Variants in TNS1 observed in about 807,000 individuals in gnomAD.
The protein encoded by TNS1 is tensin-1.
TNS1 carries 62 observed loss-of-function variants against 168.6 expected under a neutral mutation model. The observed-to-expected ratio is 0.37, with a 90% CI of 0.30 to 0.45. The LOEUF (loss-of-function observed/expected upper bound fraction) is 0.45, where lower values mean the gene tolerates loss of function less well. Ranked by LOEUF, TNS1 falls within the 20% of genes least tolerant of loss-of-function variation. TNS1 has a pLI of 1.00. For synonymous variants in TNS1, 934 were observed against 933.2 expected (o/e 1.00, Z -0.02); for missense variants, 2,240 against 2,339.4 (o/e 0.96, Z 0.88).
At chr2:217,841,240 G>A (rs1342980659) in intron 19 of TNS1, 11 of 984,940 alleles carry the variant, frequency 1.1e-5, no homozygotes, top group African/African-American at 7.0e-5. Context: ...AGGAGGGGGC[G>A]GGAAGCTGCC....
chr2:217,805,136 A>G (rs1271471600), intron 32 of TNS1, among the ~76,000 whole-genome samples: 4 of 151,846 alleles, frequency 2.6e-5, no homozygotes, highest in Admixed American at 2.6e-4. Context: ...CTTGGAAGCC[A>G]GAAAATAAAA....
chr2:217,828,314 T>G (rs919214069), intron 22 of TNS1, among the ~76,000 whole-genome samples: 1 of 152,192 alleles, frequency 6.6e-6, no homozygotes, highest in Non-Finnish European at 1.5e-5. Flanking sequence ...TCTGGGAAAC[T>G]CCAATCATCC....
At chr2:217,961,354 C>A (rs3791886) in intron 3 of TNS1, among the ~76,000 whole-genome samples, 40,408 of 151,572 alleles carry the variant, frequency 0.27, 6,077 homozygotes, top group African/African-American at 0.42. Flanking sequence ...TTCCAAACTG[C>A]TCAGATCAGA....
At chr2:217,870,244 A>T in intron 18 of TNS1, among the ~76,000 whole-genome samples, 1 of 152,200 alleles carries the variant, frequency 6.6e-6, no homozygotes, top group East Asian at 1.9e-4. Flanking sequence ...CAGAGTGGAT[A>T]CAGCACTGGG....
At position 218,002,850 on chromosome 2, in the gene TNS1, C is replaced by G. The variant is rs1302923521; in HGVS notation, c.23G>C (p.Cys8Ser). 2.2e-6 allele frequency: 1 copy of G among 456,918 alleles called. No homozygotes were observed. Among genetic ancestry groups the G allele is most frequent in the Non-Finnish European group, 4.4e-6 (1 of 226,988 alleles). The allele number at this position is 456,918 out of a possible 1,614,324, so 28.3% of individuals were successfully genotyped here. Reference protein sequence around the residue: MTWICLSCMLWPEDLEAP... With the variant: MTWICLSSMLWPEDLEAP... ...AGCAGCCAGACCTACCCAGAGCATG[C>G]AGGACAGACAGATCCACGTCATCTT... Residue 8 changes from cysteine (C) to serine (S), a missense_variant, in exon 1 of 33, where the codon TGC becomes TCC. This residue lies in a region of TNS1 where 2,131 missense variants were observed against 2,171.2 expected (regional missense o/e 0.98). Transcript: ENST00000682258.
chr2:217,930,590 G>A (rs983148671), intron 3 of TNS1, among the ~76,000 whole-genome samples: 3 of 152,220 alleles, frequency 2.0e-5, no homozygotes, highest in Non-Finnish European at 2.9e-5. Flanking sequence ...TGAGGTGTAG[G>A]GCTGGAGCCC....
chr2:217,966,294 TGTGTGTGTGTGTGTGC>T (rs1431462559), intron 3 of TNS1, among the ~76,000 whole-genome samples: 21 of 145,306 alleles, frequency 1.4e-4, no homozygotes, highest in African/African-American at 5.8e-4. Flanking sequence ...TGTGTGTGTG[TGTGTGTGTGTGTGTGC>T]GCGCGCGCGC....
At chr2:217,938,679 T>C (rs1956758131) in intron 3 of TNS1, among the ~76,000 whole-genome samples, 1 of 152,048 alleles carries the variant, frequency 6.6e-6, no homozygotes, top group South Asian at 2.1e-4. Context: ...AGCCTGGGAG[T>C]CTCCGATTCT....
At chr2:217,946,973 A>T (rs1195666930) in intron 3 of TNS1, among the ~76,000 whole-genome samples, 27 of 149,360 alleles carry the variant, frequency 1.8e-4, no homozygotes, top group African/African-American at 5.7e-4. Flanking sequence ...TCTCTCTCAC[A>T]CACACACACA....
intron 6 of TNS1, chr2:217,901,699 G>A (rs969211696): frequency 6.6e-6 from 1 of 152,232 alleles, no homozygotes; most frequent in East Asian, 1.9e-4. Flanking sequence ...CTGAGGCACA[G>A]AATAACTTAC....
chr2:218,021,605 C>G (rs1208163465), intron 1 of TNS1, among the ~76,000 whole-genome samples: 1 of 152,160 alleles, frequency 6.6e-6, no homozygotes, highest in African/African-American at 2.4e-5. Context: ...AGGGTGGATC[C>G]CGGCACCCCA....
At chr2:217,822,828 C>T (rs1018569313) in intron 22 of TNS1, among the ~76,000 whole-genome samples, 1 of 152,202 alleles carries the variant, frequency 6.6e-6, no homozygotes, top group African/African-American at 2.4e-5. Flanking sequence ...CCTCTGAGGC[C>T]AGCTCCCAAA....
chr2:217,857,138 C>T (rs1003415225), intron 18 of TNS1, among the ~76,000 whole-genome samples: 4 of 152,214 alleles, frequency 2.6e-5, no homozygotes, highest in Admixed American at 1.3e-4. Flanking sequence ...GCCCCTCCCA[C>T]CCACGGCTGC....
chr2:217,982,821 A>C (rs1231599425), intron 2 of TNS1, among the ~76,000 whole-genome samples: 2 of 152,206 alleles, frequency 1.3e-5, no homozygotes, highest in Non-Finnish European at 2.9e-5. Context: ...CTGGGAACCA[A>C]GGCCAGAGGC....
rs566830185 is a variant in TNS1, at chr2:217,892,748, G to A, written c.782+200C>T. 2.9e-4 allele frequency among the ~76,000 whole-genome samples: 44 copies of A among 152,246 alleles called. No homozygotes were observed. In the South Asian group the frequency reaches 8.7e-3, roughly 30 times the overall value. ...CTGCCCCACCAGAACCCCTGATAGA[G>A]AAGTGGACTCTCCTCCCTCCCGCCC... On this transcript the variant is annotated intron_variant, in intron 11 of 32. Transcript: ENST00000682258.
intron 18 of TNS1, among the ~76,000 whole-genome samples, chr2:217,863,435 A>G (rs963570565): frequency 6.6e-5 from 10 of 152,168 alleles, no homozygotes; most frequent in African/African-American, 2.4e-4. Flanking sequence ...AATACACAGG[A>G]CAGACCCCCA....
At chr2:217,879,325 T>C (rs1240782504) in intron 18 of TNS1, 3 of 374,200 alleles carry the variant, frequency 8.0e-6, no homozygotes, top group African/African-American at 6.5e-5. Context: ...TTGTTAAAAA[T>C]GCAAACATCC....
rs201342737 is a variant in TNS1 at position 217,829,870 on chromosome 2, C to G, written c.3373+1585G>C. The G allele has an allele frequency of 5.0e-5, 81 of 1,614,134 alleles. No homozygotes were observed. The Admixed American group carries it at 1.3e-3, about 27-fold the overall frequency. ...TTCTGACAGCCTGACCACCACCTTC[C>G]CCTCATCTTCCTCTGAGGGAAGACG... On this transcript the variant is annotated intron_variant, in intron 22 of 32. Coordinates refer to ENST00000682258, the MANE Select transcript of TNS1 (RefSeq NM_001387777.1).
At chr2:217,829,807 A>G in intron 22 of TNS1, 1 of 1,613,028 alleles carries the variant, frequency 6.2e-7, no homozygotes, top group Non-Finnish European at 8.5e-7. Flanking sequence ...CCATTTCCAG[A>G]CCCAGAGAGC....
Sources: allele counts gnomAD v4.1 joint callset (sites outside exome capture counted in the v4.1 genomes callset), GRCh38; gene constraint gnomAD v4.1.1; regional missense constraint gnomAD v4.1.1; transcripts MANE v1.5; gene names NCBI Gene and HGNC (gene_info 2026-07-23, HGNC 2026-07-21).